Variants in TFAP2D observed in about 807,000 individuals in gnomAD.
The protein encoded by TFAP2D is transcription factor AP-2-delta.
TFAP2D carries 9 observed loss-of-function variants against 43.6 expected under a neutral mutation model. The ratio of observed to expected loss-of-function variants is 0.21; its 90% CI spans 0.12 to 0.36. TFAP2D has a LOEUF of 0.36. Among genes scored for constraint, TFAP2D ranks in the 10% least tolerant of loss-of-function variants. The pLI, the probability that TFAP2D is intolerant of heterozygous loss-of-function variation, is 1.00. For missense variants in TFAP2D, 513 were observed against 561.4 expected, an observed-to-expected ratio of 0.91 and a Z score of 0.87; for synonymous variants, 256 against 224.9, an observed-to-expected ratio of 1.14 and a Z score of -1.24.
intron 2 of TFAP2D, among the ~76,000 whole-genome samples, chr6:50,716,425 A>C (rs1768628841): frequency 6.6e-6 from 1 of 151,576 alleles, no homozygotes; most frequent in African/African-American, 2.4e-5. Context: ...GTAATGAAAG[A>C]GGGAAAAAAT....
intron 5 of TFAP2D, among the ~76,000 whole-genome samples, chr6:50,738,762 T>C (rs1768996919): frequency 6.6e-6 from 1 of 152,210 alleles, no homozygotes; most frequent in Non-Finnish European, 1.5e-5. Flanking sequence ...TCTCTACTTC[T>C]ACTACCACAT....
chr6:50,734,685 G>T lies in TFAP2D; in HGVS notation c.883+5373G>T, dbSNP rs537520731. 7.7e-4 allele frequency among the ~76,000 whole-genome samples: 117 copies of T among 152,072 alleles called. 1 individual carries two copies. The highest frequency in any genetic ancestry group is 2.1e-3 in the South Asian group (10 of 4,832). ...AGTTACTACTATTCTCATTCTATAA[G>T]AACTAATCACGTGACCACACCTTAT... On this transcript the variant is annotated intron_variant, in intron 5 of 7. Transcript: ENST00000008391.
chr6:50,754,253 CT>C (rs1769235692), intron 7 of TFAP2D, among the ~76,000 whole-genome samples: 1 of 151,954 alleles, frequency 6.6e-6, no homozygotes, highest in Non-Finnish European at 1.5e-5. Flanking sequence ...GCTTATTTCA[CT>C]TAGTGTAATG....
chr6:50,729,918 C>T (rs376036142), intron 5 of TFAP2D, among the ~76,000 whole-genome samples: 1 of 152,084 alleles, frequency 6.6e-6, no homozygotes, highest in South Asian at 2.1e-4. Context: ...TCCAACTTAC[C>T]TCTTTCCTTT....
intron 3 of TFAP2D, among the ~76,000 whole-genome samples, chr6:50,727,956 T>G (rs1444736722): frequency 1.3e-5 from 2 of 152,118 alleles, no homozygotes; most frequent in Non-Finnish European, 2.9e-5. Flanking sequence ...TCAGTTATTG[T>G]CGACTGCCTG....
At chr6:50,728,463 C>T (rs1254708673) in intron 3 of TFAP2D, among the ~76,000 whole-genome samples, 1 of 152,168 alleles carries the variant, frequency 6.6e-6, no homozygotes, top group Non-Finnish European at 1.5e-5. Flanking sequence ...CATTGTGCAT[C>T]TGTGTGTGTA....
intron 5 of TFAP2D, among the ~76,000 whole-genome samples, chr6:50,743,685 T>G (rs1192024122): frequency 1.3e-5 from 2 of 152,154 alleles, no homozygotes; most frequent in African/African-American, 4.8e-5. Context: ...TCATTGATAT[T>G]AACTGTTCTC....
At chr6:50,754,480 T>A (rs984364172) in intron 7 of TFAP2D, among the ~76,000 whole-genome samples, 3 of 151,900 alleles carry the variant, frequency 2.0e-5, no homozygotes, top group African/African-American at 7.2e-5. Flanking sequence ...TGTGAAAATA[T>A]CTCTTCAAAA....
At chr6:50,754,459 A>G (rs1032922087) in intron 7 of TFAP2D, among the ~76,000 whole-genome samples, 5 of 151,888 alleles carry the variant, frequency 3.3e-5, no homozygotes, top group Admixed American at 1.3e-4. Context: ...TAGTGCTGCT[A>G]TGAACATGGG....
chr6:50,748,101 G>T (rs1370102298), intron 6 of TFAP2D, among the ~76,000 whole-genome samples: 3 of 151,376 alleles, frequency 2.0e-5, no homozygotes, highest in Non-Finnish European at 4.4e-5. Context: ...CTTCTTATTG[G>T]ACTATGTGAA....
intron 3 of TFAP2D, among the ~76,000 whole-genome samples, chr6:50,722,803 G>A (rs1237849969): frequency 6.7e-6 from 1 of 149,018 alleles, no homozygotes; most frequent in African/African-American, 2.4e-5. Flanking sequence ...AATCGAGATG[G>A]CAACTAAAAA....
chr6:50,722,666 T>C (rs1014277189), intron 3 of TFAP2D, among the ~76,000 whole-genome samples: 1 of 151,960 alleles, frequency 6.6e-6, no homozygotes, highest in Non-Finnish European at 1.5e-5. Context: ...TGGATCCATA[T>C]TGGAATCGCA....
chr6:50,767,431 C>T (rs1769460064), intron 7 of TFAP2D, among the ~76,000 whole-genome samples: 1 of 152,170 alleles, frequency 6.6e-6, no homozygotes, highest in Admixed American at 6.5e-5. Context: ...TATTCCCATT[C>T]CTCTTCCTCA....
intron 3 of TFAP2D, among the ~76,000 whole-genome samples, chr6:50,719,501 G>GAAAGT (rs3835214): frequency 7.5e-6 from 1 of 133,460 alleles, no homozygotes; most frequent in Non-Finnish European, 1.7e-5. Context: ...AAGAAAGAAA[G>GAAAGT]AAGTTTCTCA....
intron 7 of TFAP2D, among the ~76,000 whole-genome samples, chr6:50,751,639 G>A (rs922811999): frequency 4.0e-5 from 6 of 151,766 alleles, no homozygotes; most frequent in African/African-American, 1.2e-4. Flanking sequence ...AAGATCCCCT[G>A]GGCTCTTTTA....
At chr6:50,755,714 G>A (rs970279441) in intron 7 of TFAP2D, among the ~76,000 whole-genome samples, 7 of 151,822 alleles carry the variant, frequency 4.6e-5, no homozygotes, top group South Asian at 2.1e-4. Flanking sequence ...CTGGGAGCCC[G>A]AGGTGAAAGG....
intron 5 of TFAP2D, among the ~76,000 whole-genome samples, chr6:50,734,174 A>T (rs1202302643): frequency 6.6e-6 from 1 of 151,904 alleles, no homozygotes. Flanking sequence ...ATACTCTCAG[A>T]CCCTATCTTG....
rs3060372 is a variant in TFAP2D, at chr6:50,742,954, A to AACACACACACACACACACAC, written c.884-2131_884-2112dup. Among the ~76,000 whole-genome samples, 761 of 139,682 alleles carry AACACACACACACACACACAC rather than the reference A, an allele frequency of 5.4e-3. 12 individuals are homozygous for AACACACACACACACACACAC. Among genetic ancestry groups the AACACACACACACACACACAC allele is most frequent in the East Asian group, 0.021 (94 of 4,462 alleles). The allele number at this position is 139,682 out of a possible 152,430, so 91.6% of individuals were successfully genotyped here. On this transcript the variant is annotated intron_variant, in intron 5 of 7. Transcript: ENST00000008391. ...CTGTATGGCATAACAACGACTTTAA[A>AACACACACACACACACACAC]ACACACACACACACACACACACACA... is the stretch of plus-strand genomic sequence containing the variant.
chr6:50,724,175 G>C (rs951978481), intron 3 of TFAP2D, among the ~76,000 whole-genome samples: 1 of 152,074 alleles, frequency 6.6e-6, no homozygotes, highest in Non-Finnish European at 1.5e-5. Context: ...GGAAGCAGCA[G>C]AGAATAATTC....
Sources: allele counts gnomAD v4.1 joint callset (sites outside exome capture counted in the v4.1 genomes callset), GRCh38; gene constraint gnomAD v4.1.1; transcripts MANE v1.5; gene names NCBI Gene and HGNC (gene_info 2026-07-23, HGNC 2026-07-21).